The following SRBD1 variants were observed in gnomAD, a reference collection of about 807,000 sequenced individuals.
The protein encoded by SRBD1 is S1 RNA binding domain 1.
A neutral mutation model predicts 115.3 loss-of-function variants in SRBD1; 88 were observed. The observed-to-expected ratio is 0.76, with a 90% CI of 0.64 to 0.91. The LOEUF is 0.91. Ranked by LOEUF, SRBD1 falls within the 40% of genes least tolerant of loss-of-function variation. SRBD1 has a pLI of 0.00. For missense variants in SRBD1, 1,385 were observed against 1,177.4 expected (o/e 1.18, Z -2.58); for synonymous variants, 509 against 407.7 (o/e 1.25, Z -2.99).
intron 19 of SRBD1, among the ~76,000 whole-genome samples, chr2:45,395,624 A>T (rs1472833972): frequency 6.6e-6 from 1 of 152,214 alleles, no homozygotes; most frequent in Non-Finnish European, 1.5e-5. Context: ...AAATTACTAC[A>T]AAGTCAAGTG....
chr2:45,421,676 C>A (rs879479219), intron 16 of SRBD1, among the ~76,000 whole-genome samples: 2 of 151,836 alleles, frequency 1.3e-5, no homozygotes, highest in African/African-American at 4.8e-5. Flanking sequence ...ATCTGTGGGA[C>A]AGGAGACTTC....
In SRBD1 at chr2:45,465,443, C is replaced by G. The variant is rs79327856; in HGVS notation, c.2049+11550G>C. ...ATATATAAATGCACACACAGACACA[C>G]GAATGTGACAGTCAAAATTCTGATG... On this transcript the variant is annotated intron_variant, in intron 16 of 20. Transcript: ENST00000263736. Among the ~76,000 whole-genome samples, 538 of 152,058 alleles carry G rather than the reference C, an allele frequency of 3.5e-3. 9 individuals are homozygous for G. The highest frequency in any genetic ancestry group is 0.012 in the African/African-American group (514 of 41,458).
At chr2:45,606,878 G>A (rs1235491816) in intron 1 of SRBD1, among the ~76,000 whole-genome samples, 1 of 152,202 alleles carries the variant, frequency 6.6e-6, no homozygotes, top group Non-Finnish European at 1.5e-5. Context: ...TTCTGACCCA[G>A]TCATATGTTA....
At chr2:45,609,357 G>A (rs773639035) in intron 1 of SRBD1, among the ~76,000 whole-genome samples, 1 of 151,982 alleles carries the variant, frequency 6.6e-6, no homozygotes, top group Non-Finnish European at 1.5e-5. Context: ...GAATCTCCAC[G>A]ATCTTCAGTG....
At chr2:45,405,203 T>A (rs1328313721) in intron 19 of SRBD1, among the ~76,000 whole-genome samples, 1 of 152,178 alleles carries the variant, frequency 6.6e-6, no homozygotes, top group East Asian at 1.9e-4. Flanking sequence ...CAAGATTGCA[T>A]AACAGTACTT....
chr2:45,413,704 G>T (rs191272720), intron 18 of SRBD1, among the ~76,000 whole-genome samples: 32 of 152,282 alleles, frequency 2.1e-4, no homozygotes, highest in African/African-American at 7.5e-4. Flanking sequence ...GAGGCAGGCA[G>T]ATCACCTGAG....
intron 10 of SRBD1, among the ~76,000 whole-genome samples, chr2:45,554,253 C>T (rs1342729546): frequency 1.3e-5 from 2 of 152,186 alleles, no homozygotes; most frequent in Non-Finnish European, 2.9e-5. Flanking sequence ...ATGCAGCTGT[C>T]TACAAGCCAA....
chr2:45,593,000 C>T (rs932370829), intron 4 of SRBD1, among the ~76,000 whole-genome samples: 2 of 152,172 alleles, frequency 1.3e-5, no homozygotes, highest in African/African-American at 4.8e-5. Context: ...GGGCAAAGAA[C>T]TACCATAGTT....
intron 14 of SRBD1, among the ~76,000 whole-genome samples, chr2:45,509,903 T>A (rs1670915509): frequency 6.6e-6 from 1 of 152,164 alleles, no homozygotes; most frequent in Non-Finnish European, 1.5e-5. Context: ...TCCATCTAAT[T>A]TTTAAATATT....
chr2:45,446,117 C>A (rs1352567905), intron 16 of SRBD1, among the ~76,000 whole-genome samples: 1 of 152,144 alleles, frequency 6.6e-6, no homozygotes, highest in Non-Finnish European at 1.5e-5. Flanking sequence ...GGATCTAGGG[C>A]ATTAACTCAA....
intron 12 of SRBD1, 124 bp downstream of exon 12, chr2:45,551,001 A>T: frequency 8.9e-7 from 1 of 1,124,506 alleles, no homozygotes; most frequent in South Asian, 1.8e-5. Flanking sequence ...ACACCCCTGT[A>T]TGTGAGAAAA....
At chr2:45,443,050 G>C (rs2103715277) in intron 16 of SRBD1, among the ~76,000 whole-genome samples, 1 of 152,306 alleles carries the variant, frequency 6.6e-6, no homozygotes, top group Non-Finnish European at 1.5e-5. Context: ...TAAGGCTGGA[G>C]AGTAGACAAG....
intron 19 of SRBD1, 113 bp downstream of exon 19, chr2:45,413,001 T>C: frequency 1.6e-6 from 2 of 1,216,406 alleles, no homozygotes; most frequent in Non-Finnish European, 2.3e-6. Context: ...CTGAAAAATG[T>C]TGTCACATTA....
intron 16 of SRBD1, among the ~76,000 whole-genome samples, chr2:45,462,020 CAG>C (rs899763566): frequency 7.9e-5 from 12 of 151,442 alleles, no homozygotes; most frequent in Non-Finnish European, 1.2e-4. Flanking sequence ...AGAAAAGAAA[CAG>C]AGATTAAAAA....
rs555271170 is a variant in SRBD1, at chr2:45,580,040, G to C, written c.934-27C>G. On this transcript the variant is annotated intron_variant, in intron 6 of 20. Coordinates refer to ENST00000263736, the MANE Select transcript of SRBD1 (RefSeq NM_018079.5). Reference sequence around the variant, plus strand: ...TAGAAAATAAAGACAGAAAACATATGATTATGTTTTAAAAAAACAAAAGTT... The same window carrying C: ...TAGAAAATAAAGACAGAAAACATATCATTATGTTTTAAAAAAACAAAAGTT... The C allele has an allele frequency of 3.7e-5, 53 of 1,450,100 alleles. No individual in the cohort carries two copies. In the South Asian group the frequency reaches 6.0e-4, roughly 16 times the overall value. The allele number at this position is 1,450,100 out of a possible 1,614,324, so 89.8% of individuals were successfully genotyped here. A position where few individuals can be genotyped will look rare whatever the true frequency, so the allele number is the denominator to read the frequency against.
intron 10 of SRBD1, among the ~76,000 whole-genome samples, chr2:45,557,779 G>A (rs1003965968): frequency 9.2e-5 from 14 of 152,120 alleles, no homozygotes; most frequent in Non-Finnish European, 1.6e-4. Flanking sequence ...AAAATATGAT[G>A]GGTTTGCCTT....
At chr2:45,404,511 G>C (rs1303524843) in intron 19 of SRBD1, among the ~76,000 whole-genome samples, 1 of 152,050 alleles carries the variant, frequency 6.6e-6, no homozygotes, top group East Asian at 1.9e-4. Flanking sequence ...TTTGTAACCA[G>C]TTACTAATTT....
At chr2:45,560,833 T>C (rs928990810) in intron 10 of SRBD1, among the ~76,000 whole-genome samples, 3 of 151,960 alleles carry the variant, frequency 2.0e-5, no homozygotes, top group Non-Finnish European at 4.4e-5. Context: ...TAGCCAGGCA[T>C]GGTGGGTCAC....
At chr2:45,451,138 T>C (rs772541983) in intron 16 of SRBD1, among the ~76,000 whole-genome samples, 13 of 152,070 alleles carry the variant, frequency 8.5e-5, no homozygotes, top group Non-Finnish European at 1.8e-4. Context: ...GACAGAATTA[T>C]TGGCAAATGG....
Sources: gnomAD v4.1 joint callset for allele counts (sites outside exome capture counted in the v4.1 genomes callset) on GRCh38, gnomAD v4.1.1 for gene constraint, MANE v1.5 for transcripts, NCBI Gene and HGNC (gene_info 2026-07-23, HGNC 2026-07-21) for gene names.